Variants in PTPRD observed in about 807,000 individuals in gnomAD.
PTPRD encodes receptor-type tyrosine-protein phosphatase delta.
In PTPRD, 34 loss-of-function variants were observed where a neutral mutation model predicts 214.5. The observed-to-expected ratio is 0.16, with a 90% CI of 0.12 to 0.21. PTPRD has a LOEUF of 0.21. Ranked by LOEUF, PTPRD falls within the 10% of genes least tolerant of loss-of-function variation. PTPRD has a pLI of 1.00. For synonymous variants in PTPRD, 1,128 were observed against 845.7 expected (o/e 1.33, Z -5.79); for missense variants, 2,545 against 2,398.7 (o/e 1.06, Z -1.27).
At chr9:8,331,446 A>G in intron 44 of PTPRD, 136 bp downstream of exon 44, 1 of 1,012,170 alleles carries the variant, frequency 9.9e-7, no homozygotes, top group Non-Finnish European at 1.4e-6. Context: ...AGAAAGAGAA[A>G]TCAATCCTGC....
chr9:9,344,199 C>G (rs2047927158), intron 9 of PTPRD, among the ~76,000 whole-genome samples: 3 of 152,084 alleles, frequency 2.0e-5, no homozygotes, highest in African/African-American at 7.2e-5. Context: ...AAGCTGGAAA[C>G]CATCATCCTC....
At chr9:10,057,781 G>T (rs779910200) in intron 3 of PTPRD, among the ~76,000 whole-genome samples, 1 of 151,324 alleles carries the variant, frequency 6.6e-6, no homozygotes, top group Non-Finnish European at 1.5e-5. Context: ...GACAGAGGTT[G>T]CAGTGAGAGG....
chr9:9,810,962 G>A (rs989456026), intron 5 of PTPRD, among the ~76,000 whole-genome samples: 2 of 151,856 alleles, frequency 1.3e-5, no homozygotes, highest in Non-Finnish European at 2.9e-5. Flanking sequence ...TCGCGGCCAG[G>A]TGCACTCGCT....
intron 7 of PTPRD, among the ~76,000 whole-genome samples, chr9:9,649,144 A>G (rs1244605800): frequency 2.0e-5 from 3 of 152,172 alleles, no homozygotes; most frequent in Non-Finnish European, 4.4e-5. Flanking sequence ...TAGCGACCAT[A>G]TATCATGTAG....
At chr9:8,772,831 G>C (rs2095292762) in intron 11 of PTPRD, among the ~76,000 whole-genome samples, 1 of 151,686 alleles carries the variant, frequency 6.6e-6, no homozygotes, top group Non-Finnish European at 1.5e-5. Flanking sequence ...TTTTATTTTG[G>C]GGGTGCTAGA....
chr9:10,298,661 A>C (rs1223401611), intron 3 of PTPRD, among the ~76,000 whole-genome samples: 2 of 152,020 alleles, frequency 1.3e-5, no homozygotes, highest in African/African-American at 4.8e-5. Flanking sequence ...GCCTTCTTTC[A>C]AAGAAATGAA....
At chr9:9,225,266 C>T (rs575577806) in intron 9 of PTPRD, among the ~76,000 whole-genome samples, 5 of 151,860 alleles carry the variant, frequency 3.3e-5, no homozygotes, top group Non-Finnish European at 7.4e-5. Context: ...TCATCTGATC[C>T]ATTAACATAT....
chr9:9,779,099 A>AAAAAAAAAAAAAAAAAG (rs1565195907), intron 5 of PTPRD, among the ~76,000 whole-genome samples: 1 of 148,742 alleles, frequency 6.7e-6, no homozygotes, highest in African/African-American at 2.5e-5. Context: ...AAAAAAAAAA[A>AAAAAAAAAAAAAAAAAG]AAAAAGCAAT....
intron 6 of PTPRD, among the ~76,000 whole-genome samples, chr9:9,748,409 G>A (rs951587405): frequency 1.2e-4 from 19 of 152,118 alleles, no homozygotes; most frequent in African/African-American, 4.1e-4. Flanking sequence ...CTATTGCTAC[G>A]TGCATTAACA....
At chr9:9,193,880 A>G (rs1010280245) in intron 9 of PTPRD, among the ~76,000 whole-genome samples, 1 of 152,086 alleles carries the variant, frequency 6.6e-6, no homozygotes, top group Non-Finnish European at 1.5e-5. Context: ...GTTTTTTCTC[A>G]ATAATAAATT....
intron 10 of PTPRD, among the ~76,000 whole-genome samples, chr9:9,052,915 CACTA>C (rs1210458620): frequency 2.0e-5 from 3 of 152,138 alleles, no homozygotes; most frequent in East Asian, 1.9e-4. Flanking sequence ...GTCATCTTTC[CACTA>C]ACTATCTACA....
chr9:10,096,761 A>G (rs2098491516), intron 3 of PTPRD, among the ~76,000 whole-genome samples: 1 of 151,930 alleles, frequency 6.6e-6, no homozygotes, highest in South Asian at 2.1e-4. Flanking sequence ...CCATTTATCA[A>G]TTTTGGCTTT....
At chr9:9,648,661 CAT>C (rs1415227438) in intron 7 of PTPRD, among the ~76,000 whole-genome samples, 1 of 152,102 alleles carries the variant, frequency 6.6e-6, no homozygotes, top group Non-Finnish European at 1.5e-5. Flanking sequence ...AGCACAAAAC[CAT>C]ATTTTGTCTA....
chr9:9,557,791 C>T (rs1363428665), intron 8 of PTPRD, among the ~76,000 whole-genome samples: 1 of 152,162 alleles, frequency 6.6e-6, no homozygotes, highest in Non-Finnish European at 1.5e-5. Flanking sequence ...TGTGTCAGGT[C>T]CTGGAGTCCT....
chr9:9,509,986 G>A (rs1369691992), intron 8 of PTPRD, among the ~76,000 whole-genome samples: 1 of 151,520 alleles, frequency 6.6e-6, no homozygotes, highest in Admixed American at 6.6e-5. Context: ...CACAAAGCAA[G>A]AAGAGTGAGA....
intron 2 of PTPRD, among the ~76,000 whole-genome samples, chr9:10,381,222 C>G (rs1407792034): frequency 6.6e-6 from 1 of 151,948 alleles, no homozygotes; most frequent in Non-Finnish European, 1.5e-5. Flanking sequence ...CACACATCGC[C>G]TTTACAAATT....
intron 2 of PTPRD, among the ~76,000 whole-genome samples, chr9:10,533,570 C>T (rs1487561616): frequency 6.6e-6 from 1 of 151,370 alleles, no homozygotes; most frequent in Non-Finnish European, 1.5e-5. Flanking sequence ...GTATGAAACA[C>T]ATAAACCTCA....
chr9:9,922,380 T>G (rs2082797357), intron 5 of PTPRD, among the ~76,000 whole-genome samples: 1 of 152,070 alleles, frequency 6.6e-6, no homozygotes, highest in South Asian at 2.1e-4. Flanking sequence ...GTTCACATAA[T>G]CAAGGGACCT....
At chr9:8,964,662 T>G (rs1049898068) in intron 11 of PTPRD, among the ~76,000 whole-genome samples, 1 of 152,108 alleles carries the variant, frequency 6.6e-6, no homozygotes, top group Non-Finnish European at 1.5e-5. Flanking sequence ...TAATTTGAGA[T>G]CTCTCTGACT....
Sources: gnomAD v4.1 joint callset for allele counts (sites outside exome capture counted in the v4.1 genomes callset) on GRCh38, gnomAD v4.1.1 for gene constraint, MANE v1.5 for transcripts, NCBI Gene and HGNC (gene_info 2026-07-23, HGNC 2026-07-21) for gene names.